CPEB3: variants seen among roughly 807,000 people sequenced by gnomAD.
CPEB3 encodes cytoplasmic polyadenylation element-binding protein 3.
In CPEB3, 20 loss-of-function variants were observed where a neutral mutation model predicts 67.2. The ratio of observed to expected loss-of-function variants is 0.30; its 90% CI spans 0.21 to 0.43. The LOEUF (loss-of-function observed/expected upper bound fraction) is 0.43. Among genes scored for constraint, CPEB3 ranks in the 20% least tolerant of loss-of-function variants. CPEB3 has a pLI of 1.00. For synonymous variants in CPEB3, 376 were observed against 393.1 expected, an observed-to-expected ratio of 0.96 and a Z score of 0.51; for missense variants, 746 against 968.6, an observed-to-expected ratio of 0.77 and a Z score of 3.05.
chr10:92,061,419 C>CAAAAAAAAAAA (rs148327302), intron 9 of CPEB3, among the ~76,000 whole-genome samples: 1 of 93,348 alleles, frequency 1.1e-5, no homozygotes, highest in African/African-American at 4.0e-5. Flanking sequence ...AATTCTGTCT[C>CAAAAAAAAAAA]AAAAAAAAAA....
intron 4 of CPEB3, among the ~76,000 whole-genome samples, chr10:92,164,702 GA>G (rs1264023967): frequency 2.0e-5 from 3 of 152,086 alleles, no homozygotes; most frequent in South Asian, 4.1e-4. Context: ...GTAAACATTT[GA>G]AAAACCCTTA....
chr10:92,106,133 TC>T (rs776575472), intron 7 of CPEB3, among the ~76,000 whole-genome samples: 69 of 151,868 alleles, frequency 4.5e-4, no homozygotes, highest in Admixed American at 7.9e-4. Context: ...CCTCAAGTGA[TC>T]CACCCAGCTC....
chr10:92,183,888 C>T (rs564317991), intron 3 of CPEB3, among the ~76,000 whole-genome samples: 48 of 152,238 alleles, frequency 3.2e-4, no homozygotes, highest in African/African-American at 1.0e-3. Flanking sequence ...CTACCATTTA[C>T]GGTAAAGAAT....
At chr10:92,213,700 AAC>A (rs1211394064) in intron 2 of CPEB3, among the ~76,000 whole-genome samples, 1 of 152,172 alleles carries the variant, frequency 6.6e-6, no homozygotes, top group Non-Finnish European at 1.5e-5. Context: ...TTTTAAATGA[AAC>A]ACAAAACAAA....
At chr10:92,289,090 A>C (rs185375484) in intron 1 of CPEB3, among the ~76,000 whole-genome samples, 1 of 152,038 alleles carries the variant, frequency 6.6e-6, no homozygotes, top group East Asian at 1.9e-4. Flanking sequence ...CAAAAATACA[A>C]AAGTTAGCCA....
In CPEB3 at chr10:92,119,209, C is replaced by T. The variant is rs1845207361; in HGVS notation, c.1454-8015G>A. ...TCATATTCCTACACATTATTACATT[C>T]ACCCATCTTTCTGTTTGTCACTCTT... On this transcript the variant is annotated intron_variant, in intron 6 of 9. Coordinates refer to ENST00000265997, the MANE Select transcript of CPEB3 (RefSeq NM_014912.5). The T allele has an allele frequency of 4.4e-6, 7 of 1,582,652 alleles. No homozygotes were observed. In the South Asian group the frequency reaches 5.5e-5, roughly 13 times the overall value.
At chr10:92,151,362 G>C (rs1241502197) in intron 4 of CPEB3, among the ~76,000 whole-genome samples, 1 of 152,002 alleles carries the variant, frequency 6.6e-6, no homozygotes, top group African/African-American at 2.4e-5. Flanking sequence ...AGTCACTTTG[G>C]GGGTTTAAGA....
At chr10:92,202,740 A>C (rs1849575636) in intron 2 of CPEB3, among the ~76,000 whole-genome samples, 1 of 151,780 alleles carries the variant, frequency 6.6e-6, no homozygotes, top group Non-Finnish European at 1.5e-5. Context: ...ATGCAGATTG[A>C]CTGCTAGTGA....
chr10:92,240,433 TG>T, intron 1 of CPEB3, 72 bp from the exon 2 acceptor site: 1 of 1,367,140 alleles, frequency 7.3e-7, no homozygotes, highest in South Asian at 1.8e-5. Flanking sequence ...AGCGGGCGGG[TG>T]TTTCACTTGC....
chr10:92,102,189 T>C (rs995434849), intron 7 of CPEB3, among the ~76,000 whole-genome samples: 2 of 152,160 alleles, frequency 1.3e-5, no homozygotes, highest in Non-Finnish European at 2.9e-5. Flanking sequence ...CTGGGGGTAG[T>C]GGAGAGAAAG....
chr10:92,123,716 C>A (rs1392664758), intron 6 of CPEB3, among the ~76,000 whole-genome samples: 1 of 152,200 alleles, frequency 6.6e-6, no homozygotes, highest in Non-Finnish European at 1.5e-5. Flanking sequence ...TGTGCATATA[C>A]TGCCTGAGCT....
chr10:92,137,870 AAG>A, intron 6 of CPEB3: 1 of 170,616 alleles, frequency 5.9e-6, no homozygotes, highest in Non-Finnish European at 1.2e-5. Flanking sequence ...GCATGGTGGC[AAG>A]TGCCTGTAGT....
intron 9 of CPEB3, among the ~76,000 whole-genome samples, chr10:92,079,419 T>C (rs1241300941): frequency 1.3e-5 from 2 of 152,186 alleles, no homozygotes; most frequent in Non-Finnish European, 2.9e-5. Context: ...TTGCTATGGA[T>C]ACTTAAAAAT....
chr10:92,053,645 C>T (rs1842000187), intron 9 of CPEB3, among the ~76,000 whole-genome samples: 3 of 151,814 alleles, frequency 2.0e-5, no homozygotes. Context: ...AGGTTCACGC[C>T]ATTCTCCTGC....
intron 7 of CPEB3, among the ~76,000 whole-genome samples, chr10:92,110,779 G>A (rs1386671477): frequency 2.0e-5 from 3 of 152,140 alleles, no homozygotes; most frequent in African/African-American, 2.4e-5. Flanking sequence ...TGCCAAAACC[G>A]CTAAGAGCAT....
chr10:92,255,246 T>C (rs969129572), intron 1 of CPEB3, among the ~76,000 whole-genome samples: 6 of 152,196 alleles, frequency 3.9e-5, no homozygotes, highest in Admixed American at 3.9e-4. Flanking sequence ...AATTTAATTA[T>C]TCTCAGCTCT....
At chr10:92,113,818 C>T (rs1427786190) in intron 6 of CPEB3, among the ~76,000 whole-genome samples, 1 of 57,610 alleles carries the variant, frequency 1.7e-5, no homozygotes, top group Non-Finnish European at 3.4e-5. Flanking sequence ...GCCCATCTCA[C>T]AGCCATAAAA....
At chr10:92,186,436 ATTT>A (rs373212390) in intron 3 of CPEB3, among the ~76,000 whole-genome samples, 364 of 143,160 alleles carry the variant, frequency 2.5e-3, no homozygotes, top group Admixed American at 4.0e-3. Context: ...AACTCAGGTG[ATTT>A]TTTTTTTTTT....
At chr10:92,257,480 TAGATAG>T (rs1378019735) in intron 1 of CPEB3, among the ~76,000 whole-genome samples, 2 of 151,734 alleles carry the variant, frequency 1.3e-5, no homozygotes, top group Admixed American at 6.6e-5. Flanking sequence ...ATTTTTAGTA[TAGATAG>T]AGTTTTGCCA....
Sources: gnomAD v4.1 joint callset for allele counts (sites outside exome capture counted in the v4.1 genomes callset) on GRCh38, gnomAD v4.1.1 for gene constraint, MANE v1.5 for transcripts, NCBI Gene and HGNC (gene_info 2026-07-23, HGNC 2026-07-21) for gene names.